Variants in PPFIA2 observed in about 807,000 individuals in gnomAD.
PPFIA2 encodes the protein liprin-alpha-2.
A neutral mutation model predicts 175.5 loss-of-function variants in PPFIA2; 46 were observed. That is an observed-to-expected ratio of 0.26 (90% CI 0.21 to 0.34). PPFIA2 has a LOEUF of 0.34. Among genes scored for constraint, PPFIA2 ranks in the 10% least tolerant of loss-of-function variants. PPFIA2 has a pLI of 1.00. For missense variants in PPFIA2, 1,179 were observed against 1,506.1 expected (o/e 0.78, Z 3.60); for synonymous variants, 568 against 511.4 (o/e 1.11, Z -1.49).
intron 3 of PPFIA2, among the ~76,000 whole-genome samples, chr12:81,746,126 C>T (rs527903035): frequency 6.9e-6 from 1 of 144,558 alleles, no homozygotes; most frequent in South Asian, 2.3e-4. Flanking sequence ...GAGAGGGAAA[C>T]ACTCCCACTT....
intron 3 of PPFIA2, among the ~76,000 whole-genome samples, chr12:81,719,475 C>T (rs1309976505): frequency 2.0e-5 from 3 of 151,438 alleles, no homozygotes; most frequent in African/African-American, 4.8e-5. Flanking sequence ...TTACCCCTGA[C>T]GGAGGAGATG....
chr12:81,614,781 G>T (rs918915193), intron 4 of PPFIA2, among the ~76,000 whole-genome samples: 6 of 152,028 alleles, frequency 3.9e-5, no homozygotes, highest in African/African-American at 1.4e-4. Flanking sequence ...ATATGAGGTT[G>T]CCCTTTATAA....
intron 4 of PPFIA2, among the ~76,000 whole-genome samples, chr12:81,663,819 T>C (rs1439174223): frequency 1.3e-5 from 2 of 152,166 alleles, no homozygotes; most frequent in Non-Finnish European, 2.9e-5. Flanking sequence ...CAAAACAGCA[T>C]GGTACTGGTA....
rs74829273 is a variant in PPFIA2, at chr12:81,554,708, C to T, written c.304-96842G>A. Among the ~76,000 whole-genome samples, 650 of 152,114 alleles carry T rather than the reference C, an allele frequency of 4.3e-3. 3 individuals carry two copies. The highest frequency in any genetic ancestry group is 0.015 in the African/African-American group (605 of 41,532). On this transcript the variant is annotated intron_variant, in intron 4 of 32. Coordinates refer to ENST00000549396, the MANE Select transcript of PPFIA2 (RefSeq NM_003625.5). Reference sequence around the variant, plus strand: ...AGTGAATAGTTTCTTAGAAGAACAACGATTGTATTCCAATTAAGGGAACAT... The same window carrying T: ...AGTGAATAGTTTCTTAGAAGAACAATGATTGTATTCCAATTAAGGGAACAT...
intron 4 of PPFIA2, among the ~76,000 whole-genome samples, chr12:81,637,289 A>T (rs2064227158): frequency 5.7e-5 from 5 of 88,076 alleles, no homozygotes; most frequent in South Asian, 4.0e-4. Flanking sequence ...TTTTTAGTAG[A>T]GATGGGGTTT....
At chr12:81,385,541 A>C (rs554218174) in intron 8 of PPFIA2, among the ~76,000 whole-genome samples, 1 of 152,298 alleles carries the variant, frequency 6.6e-6, no homozygotes, top group Admixed American at 6.5e-5. Flanking sequence ...GAAGAAGGAA[A>C]TTCTGTCATT....
intron 4 of PPFIA2, among the ~76,000 whole-genome samples, chr12:81,588,519 G>A (rs1346546478): frequency 6.6e-6 from 1 of 151,930 alleles, no homozygotes; most frequent in Non-Finnish European, 1.5e-5. Context: ...TTTCCTGAGA[G>A]CCAAACCTGT....
At chr12:81,667,759 G>A (rs2070627613) in intron 4 of PPFIA2, among the ~76,000 whole-genome samples, 1 of 151,876 alleles carries the variant, frequency 6.6e-6, no homozygotes, top group African/African-American at 2.4e-5. Flanking sequence ...TGGATATCCA[G>A]ACCATTTTCA....
At chr12:81,485,999 T>C (rs1472572416) in intron 4 of PPFIA2, among the ~76,000 whole-genome samples, 4 of 151,950 alleles carry the variant, frequency 2.6e-5, no homozygotes, top group African/African-American at 9.7e-5. Flanking sequence ...CTATTTTGAC[T>C]TTACTTTTCA....
At chr12:81,731,338 A>G (rs1331209154) in intron 3 of PPFIA2, among the ~76,000 whole-genome samples, 1 of 151,716 alleles carries the variant, frequency 6.6e-6, no homozygotes, top group Non-Finnish European at 1.5e-5. Context: ...ACAGTGTGAA[A>G]TACCTGAATC....
rs1235863772 is a variant in PPFIA2, at chr12:81,422,124, GTGTGTATATATATGTGTATATATA to G, written c.646-16245_646-16222del. ...TGTGTATATATATGTGTATATATAT[GTGTGTATATATATGTGTATATATA>G]TGTGTGTATATATATATATATATAT... On this transcript the variant is annotated intron_variant, in intron 7 of 32. Transcript: ENST00000549396. Among the ~76,000 whole-genome samples the G allele has an allele frequency of 1.3e-3, 170 of 133,416 alleles. 2 individuals are homozygous for G. The South Asian group carries it at 0.018, about 14-fold the overall frequency. The allele number at this position is 133,416 out of a possible 152,430, so 87.5% of individuals were successfully genotyped here.
chr12:81,337,957 G>T (rs1044606243), intron 21 of PPFIA2, among the ~76,000 whole-genome samples: 11 of 152,070 alleles, frequency 7.2e-5, no homozygotes, highest in African/African-American at 2.7e-4. Context: ...CCTCTACTGA[G>T]AAAGAGGAAT....
chr12:81,425,230 G>C (rs758904309), intron 7 of PPFIA2, among the ~76,000 whole-genome samples: 8 of 152,158 alleles, frequency 5.3e-5, no homozygotes, highest in Non-Finnish European at 1.0e-4. Flanking sequence ...TAAGTAAGTG[G>C]TTGGAGCTTT....
intron 7 of PPFIA2, among the ~76,000 whole-genome samples, chr12:81,421,361 A>G (rs1399025037): frequency 6.6e-6 from 1 of 152,068 alleles, no homozygotes; most frequent in Non-Finnish European, 1.5e-5. Context: ...ACACAATATA[A>G]AAAGAAACTC....
intron 3 of PPFIA2, among the ~76,000 whole-genome samples, chr12:81,750,041 C>T (rs2083546036): frequency 7.0e-6 from 1 of 143,664 alleles, no homozygotes; most frequent in Admixed American, 7.4e-5. Flanking sequence ...CATAAACAGA[C>T]AATTTAATTA....
intron 4 of PPFIA2, among the ~76,000 whole-genome samples, chr12:81,580,186 G>T (rs987656903): frequency 6.6e-6 from 1 of 151,768 alleles, no homozygotes; most frequent in African/African-American, 2.4e-5. Flanking sequence ...TTGCATTCGT[G>T]CATGTCAAGC....
chr12:81,672,100 T>C (rs981365317), intron 4 of PPFIA2, among the ~76,000 whole-genome samples: 1 of 151,930 alleles, frequency 6.6e-6, no homozygotes, highest in Non-Finnish European at 1.5e-5. Flanking sequence ...GCACATAGTG[T>C]ACACTCAAAT....
rs1593933283 is a variant in PPFIA2, at chr12:81,493,732, G to T, written c.304-35866C>A. 1.9e-4 allele frequency among the ~76,000 whole-genome samples: 7 copies of T among 36,574 alleles called. No individual in the cohort carries two copies. The South Asian group carries it at 7.8e-3, about 41-fold the overall frequency. 24.0% of individuals were successfully genotyped at this position (36,574 alleles called of 152,430 possible). On this transcript the variant is annotated intron_variant, in intron 4 of 32. Transcript: ENST00000549396. ...CACAGATGGAATTGAGTGTGTGTTT[G>T]TGTGTGTGTGTGTGTGTGTGTCTAT...
chr12:81,300,296 C>T (rs1289625074), intron 22 of PPFIA2, among the ~76,000 whole-genome samples: 1 of 152,118 alleles, frequency 6.6e-6, no homozygotes, highest in Non-Finnish European at 1.5e-5. Flanking sequence ...CTTGATCTTA[C>T]ACATAGATGA....
Sources: allele counts gnomAD v4.1 joint callset (sites outside exome capture counted in the v4.1 genomes callset), GRCh38; gene constraint gnomAD v4.1.1; transcripts MANE v1.5; gene names NCBI Gene and HGNC (gene_info 2026-07-23, HGNC 2026-07-21).